Variants in RBPJ observed in about 807,000 individuals in gnomAD.
RBPJ encodes recombining binding protein suppressor of hairless.
Under a neutral mutation model 67.8 loss-of-function variants are expected in RBPJ, and 9 were observed. That is an observed-to-expected ratio of 0.13 (90% CI 0.08 to 0.23). The LOEUF is 0.23. RBPJ is among the 10% of genes least tolerant of loss of function. The pLI, the probability that RBPJ is intolerant of heterozygous loss-of-function variation, is 1.00. For synonymous variants in RBPJ, 198 were observed against 203.3 expected (o/e 0.97, Z 0.22); for missense variants, 305 against 595.6 (o/e 0.51, Z 5.08).
At chr4:26,400,782 G>C (rs1372000798) in intron 2 of RBPJ, among the ~76,000 whole-genome samples, 1 of 152,204 alleles carries the variant, frequency 6.6e-6, no homozygotes, top group Admixed American at 6.5e-5. Context: ...AGGAAAACCA[G>C]AGCTGTCACC....
intron 1 of RBPJ, among the ~76,000 whole-genome samples, chr4:26,349,782 A>G (rs1726604725): frequency 6.6e-6 from 1 of 152,156 alleles, no homozygotes; most frequent in Non-Finnish European, 1.5e-5. Context: ...TCTCATGATG[A>G]TGTATTGTTT....
chr4:26,401,875 TTTTC>T (rs1418232684), intron 2 of RBPJ, among the ~76,000 whole-genome samples: 3 of 151,486 alleles, frequency 2.0e-5, no homozygotes, highest in Admixed American at 6.6e-5. Context: ...TTTGTTTTCT[TTTTC>T]TTTCTTTCTT....
At chr4:26,248,680 C>T (rs185869584) in intron 1 of RBPJ, among the ~76,000 whole-genome samples, 28 of 152,234 alleles carry the variant, frequency 1.8e-4, no homozygotes, top group African/African-American at 6.7e-4. Flanking sequence ...TCTGAATCTC[C>T]ACAGGCTAGT....
intron 3 of RBPJ, among the ~76,000 whole-genome samples, chr4:26,407,972 T>C (rs901627588): frequency 7.3e-6 from 1 of 137,820 alleles, no homozygotes; most frequent in African/African-American, 2.7e-5. Context: ...CTTACTGGGC[T>C]CAGGTGGTCC....
At chr4:26,148,859 A>C in the RBPJ span, among the ~76,000 whole-genome samples, 1 of 152,236 alleles carries the variant, frequency 6.6e-6, no homozygotes. Flanking sequence ...AGAGAACAGG[A>C]TGCTCTGAAA....
chr4:26,218,728 A>G (rs1434924123), intron 1 of RBPJ, among the ~76,000 whole-genome samples: 2 of 152,164 alleles, frequency 1.3e-5, no homozygotes, highest in African/African-American at 4.8e-5. Flanking sequence ...CAGGCATTCA[A>G]TAACCACTCG....
chr4:26,269,510 C>A lies in RBPJ; in HGVS notation c.-166-92936C>A, dbSNP rs142082653. On this transcript the variant is annotated intron_variant, in intron 1 of 4. Transcript: ENST00000512351. Reference sequence around the variant, plus strand: ...ACCTCAAATGATCGGCCAGCCTCGGCCTCCCAAAGTGCTGGGATTAAAGGT... The same window carrying A: ...ACCTCAAATGATCGGCCAGCCTCGGACTCCCAAAGTGCTGGGATTAAAGGT... Among the ~76,000 whole-genome samples, 1,045 of 152,232 alleles carry A rather than the reference C, an allele frequency of 6.9e-3. 14 individuals carry two copies. Among genetic ancestry groups the A allele is most frequent in the African/African-American group, 0.024 (991 of 41,510 alleles).
chr4:26,270,428 A>AGAAAGAAAGAAAGAAG, intron 1 of RBPJ, among the ~76,000 whole-genome samples: 1 of 58,310 alleles, frequency 1.7e-5, no homozygotes, highest in East Asian at 4.1e-4. Flanking sequence ...AAAGAAAGAA[A>AGAAAGAAAGAAAGAAG]GAAAGAAAGA....
chr4:26,270,975 A>G (rs918403726), intron 1 of RBPJ, among the ~76,000 whole-genome samples: 2 of 152,046 alleles, frequency 1.3e-5, no homozygotes, highest in Admixed American at 6.6e-5. Context: ...TTTTGAGGAG[A>G]AAAAAACCAT....
the RBPJ span, among the ~76,000 whole-genome samples, chr4:26,135,611 G>A: frequency 9.4e-4 from 143 of 152,110 alleles, 1 homozygote; most frequent in African/African-American, 2.7e-3. Context: ...CTGCCTCCTC[G>A]GAGCTTCTAC....
intron 1 of RBPJ, among the ~76,000 whole-genome samples, chr4:26,185,232 G>T (rs1241649942): frequency 6.7e-6 from 1 of 150,260 alleles, no homozygotes; most frequent in East Asian, 1.9e-4. Context: ...TTTTAAAGTG[G>T]TTTTTCTTTT....
intron 1 of RBPJ, among the ~76,000 whole-genome samples, chr4:26,192,045 G>C (rs1717575871): frequency 7.2e-6 from 1 of 139,342 alleles, no homozygotes; most frequent in Non-Finnish European, 1.5e-5. Context: ...GTCTCACTCT[G>C]TTGCCCAGGC....
chr4:26,316,827 C>CTTTTTTTTTTTTTTTTTTTTTTTTTTTTT (rs56130072), upstream of RBPJ, among the ~76,000 whole-genome samples: 4 of 71,396 alleles, frequency 5.6e-5, 2 homozygotes, highest in Admixed American at 3.8e-4. Context: ...ACCCAGACGA[C>CTTTTTTTTTTTTTTTTTTTTTTTTTTTTT]TTTTTTTTTT....
the RBPJ span, among the ~76,000 whole-genome samples, chr4:26,157,103 ACAAACAAACAAAC>A: frequency 1.5e-5 from 2 of 134,092 alleles, no homozygotes; most frequent in Non-Finnish European, 3.2e-5. Flanking sequence ...ACAAACAAAA[ACAAACAAACAAAC>A]AAAAAAACCC....
chr4:26,205,024 C>T (rs958232199), intron 1 of RBPJ, among the ~76,000 whole-genome samples: 2 of 152,140 alleles, frequency 1.3e-5, no homozygotes, highest in Non-Finnish European at 1.5e-5. Flanking sequence ...CCAGGGGCCA[C>T]GTGGCTGGAA....
intron 1 of RBPJ, among the ~76,000 whole-genome samples, chr4:26,206,442 G>A (rs1302172812): frequency 6.6e-6 from 1 of 152,100 alleles, no homozygotes; most frequent in Non-Finnish European, 1.5e-5. Flanking sequence ...GAGTTTATGT[G>A]TAACTTCCTT....
At chr4:26,248,996 C>G (rs918876805) in intron 1 of RBPJ, among the ~76,000 whole-genome samples, 11 of 152,170 alleles carry the variant, frequency 7.2e-5, no homozygotes, top group African/African-American at 2.4e-4. Context: ...CTCCTAGAGA[C>G]AGTTTTTCAA....
chr4:26,417,192 T>G (rs1466902906), intron 4 of RBPJ, among the ~76,000 whole-genome samples: 2 of 152,242 alleles, frequency 1.3e-5, no homozygotes, highest in Non-Finnish European at 2.9e-5. Context: ...GCTACCTGTG[T>G]GTATAACTGT....
intron 1 of RBPJ, among the ~76,000 whole-genome samples, chr4:26,208,048 G>A (rs1028218267): frequency 3.9e-5 from 6 of 152,338 alleles, no homozygotes; most frequent in African/African-American, 1.4e-4. Context: ...GGAAACTAGG[G>A]TTTCAAGACC....
Sources: allele counts gnomAD v4.1 joint callset (sites outside exome capture counted in the v4.1 genomes callset), GRCh38; gene constraint gnomAD v4.1.1; transcripts MANE v1.5; gene names NCBI Gene and HGNC (gene_info 2026-07-23, HGNC 2026-07-21).